The following SYN3 variants were observed in gnomAD, a reference collection of about 807,000 sequenced individuals.
The protein encoded by SYN3 is synapsin-3.
Under a neutral mutation model 65.8 loss-of-function variants are expected in SYN3, and 35 were observed. The ratio of observed to expected loss-of-function variants is 0.53; its 90% confidence interval spans 0.41 to 0.70. The LOEUF is 0.70. Ranked by LOEUF, SYN3 falls within the 30% of genes least tolerant of loss-of-function variation. The pLI is 0.00. For synonymous variants in SYN3, 270 were observed against 292.9 expected, an observed-to-expected ratio of 0.92 and a Z score of 0.80; for missense variants, 680 against 749.0, an observed-to-expected ratio of 0.91 and a Z score of 1.08.
At chr22:32,872,396 G>A (rs1473331521) in intron 4 of SYN3, among the ~76,000 whole-genome samples, 2 of 152,132 alleles carry the variant, frequency 1.3e-5, no homozygotes, top group African/African-American at 2.4e-5. Flanking sequence ...AGACATAGTA[G>A]CCAGGAGACA....
intron 4 of SYN3, among the ~76,000 whole-genome samples, chr22:32,900,871 A>ACC (rs1279037335): frequency 6.6e-6 from 1 of 152,228 alleles, no homozygotes; most frequent in Non-Finnish European, 1.5e-5. Context: ...GGCACATTTA[A>ACC]TTATTTGATC....
At chr22:32,585,933 TATATGTGTATGTATAC>T (rs2059020034) in intron 7 of SYN3, among the ~76,000 whole-genome samples, 1 of 49,374 alleles carries the variant, frequency 2.0e-5, no homozygotes, top group Admixed American at 2.8e-4. Context: ...TGTATATACG[TATATGTGTATGTATAC>T]ATATATGTGT....
chr22:32,615,045 C>T (rs1363277739), intron 6 of SYN3, among the ~76,000 whole-genome samples: 3 of 151,950 alleles, frequency 2.0e-5, no homozygotes, highest in Non-Finnish European at 4.4e-5. Flanking sequence ...GGTTGGGAGC[C>T]GACAGTGGTG....
At chr22:32,821,087 C>A (rs1304968109) in intron 6 of SYN3, among the ~76,000 whole-genome samples, 1 of 151,948 alleles carries the variant, frequency 6.6e-6, no homozygotes, top group Non-Finnish European at 1.5e-5. Context: ...GTGCAATCTC[C>A]CAGGCTCTTC....
At chr22:32,940,057 G>C (rs2050891696) in intron 3 of SYN3, among the ~76,000 whole-genome samples, 12 of 152,142 alleles carry the variant, frequency 7.9e-5, no homozygotes, top group Admixed American at 7.9e-4. Context: ...CAGGTGGGTT[G>C]TGTAGTAATA....
At chr22:32,592,177 A>AT (rs2059136782) in intron 7 of SYN3, among the ~76,000 whole-genome samples, 1 of 152,154 alleles carries the variant, frequency 6.6e-6, no homozygotes, top group South Asian at 2.1e-4. Context: ...GGGCAGTACA[A>AT]TTTTTTGTCG....
At chr22:32,846,189 A>G (rs2048057416) in intron 6 of SYN3, among the ~76,000 whole-genome samples, 1 of 152,194 alleles carries the variant, frequency 6.6e-6, no homozygotes, top group South Asian at 2.1e-4. Flanking sequence ...TTAGTAGGCA[A>G]TTCTTGGGTT....
At chr22:33,005,138 A>G (rs1300092519) in intron 2 of SYN3, among the ~76,000 whole-genome samples, 1 of 152,154 alleles carries the variant, frequency 6.6e-6, no homozygotes, top group Non-Finnish European at 1.5e-5. Flanking sequence ...TGGAACTGTG[A>G]GTTGATTAAA....
intron 1 of SYN3, among the ~76,000 whole-genome samples, chr22:33,033,955 C>A (rs1423466528): frequency 1.3e-5 from 2 of 151,930 alleles, no homozygotes; most frequent in Admixed American, 1.3e-4. Flanking sequence ...GAGGCTGAGG[C>A]GGGTGGATCA....
rs130292 is a variant in SYN3 at position 32,825,657 on chromosome 22, CAAAAAAAAAAAAAAAAAAA to C, written c.711+39239_711+39257del. ...TGGGCGACAGAGCGAGTTTCCATCT[CAAAAAAAAAAAAAAAAAAA>C]AAAAAAAAAAAAAAAAAAAAAGATG... On this transcript the variant is annotated intron_variant, in intron 6 of 13. Coordinates refer to ENST00000358763, the MANE Select transcript of SYN3 (RefSeq NM_003490.4). Among the ~76,000 whole-genome samples, 28 of 28,588 alleles carry C rather than the reference CAAAAAAAAAAAAAAAAAAA, an allele frequency of 9.8e-4. No individual in the cohort carries two copies. The South Asian group carries it at 0.016, about 16-fold the overall frequency. 18.8% of individuals were successfully genotyped at this position (28,588 alleles called of 152,430 possible).
intron 6 of SYN3, among the ~76,000 whole-genome samples, chr22:32,646,985 C>T (rs2059992717): frequency 6.6e-6 from 1 of 152,124 alleles, no homozygotes; most frequent in Non-Finnish European, 1.5e-5. Context: ...CCCCTGCCTT[C>T]GCTGGTTGCT....
intron 4 of SYN3, among the ~76,000 whole-genome samples, chr22:32,905,005 C>T (rs548813856): frequency 6.6e-6 from 1 of 152,054 alleles, no homozygotes; most frequent in Non-Finnish European, 1.5e-5. Context: ...AGATGAGAAC[C>T]CCCAATTGCA....
intron 8 of SYN3, among the ~76,000 whole-genome samples, 171 bp downstream of exon 8, chr22:32,541,399 TA>T (rs1178083478): frequency 6.6e-6 from 1 of 152,152 alleles, no homozygotes; most frequent in Non-Finnish European, 1.5e-5. Flanking sequence ...TGCCCAGGGA[TA>T]AGCAGTGACT....
At chr22:32,885,372 A>G (rs1435758358) in intron 4 of SYN3, among the ~76,000 whole-genome samples, 2 of 152,176 alleles carry the variant, frequency 1.3e-5, no homozygotes, top group African/African-American at 2.4e-5. Flanking sequence ...CTTGTTCTCA[A>G]GGATGGACTT....
chr22:32,760,579 C>T (rs529775875), intron 6 of SYN3, among the ~76,000 whole-genome samples: 1 of 152,038 alleles, frequency 6.6e-6, no homozygotes, highest in South Asian at 2.1e-4. Flanking sequence ...ACATGCAGGG[C>T]CCCCCGTGGG....
chr22:32,954,575 C>T (rs573088208), intron 3 of SYN3, among the ~76,000 whole-genome samples: 4 of 152,324 alleles, frequency 2.6e-5, no homozygotes, highest in South Asian at 4.1e-4. Flanking sequence ...AAAGTGTCCT[C>T]GCAGCCCTCT....
intron 6 of SYN3, among the ~76,000 whole-genome samples, chr22:32,641,901 A>AGG (rs1178166690): frequency 2.0e-5 from 3 of 152,146 alleles, no homozygotes; most frequent in Admixed American, 6.5e-5. Context: ...AACCCTTTTC[A>AGG]GGGGTACAGA....
intron 1 of SYN3, among the ~76,000 whole-genome samples, chr22:33,049,803 G>A (rs2054130245): frequency 6.6e-6 from 1 of 152,170 alleles, no homozygotes; most frequent in Non-Finnish European, 1.5e-5. Flanking sequence ...GCTAACCTGT[G>A]AGCTAGAAGA....
chr22:32,918,442 A>C (rs1391408260), intron 4 of SYN3, among the ~76,000 whole-genome samples: 1 of 152,244 alleles, frequency 6.6e-6, no homozygotes, highest in African/African-American at 2.4e-5. Context: ...GGAACAAAGC[A>C]ATCTTTCTGG....
Sources: allele counts gnomAD v4.1 joint callset (sites outside exome capture counted in the v4.1 genomes callset), GRCh38; gene constraint gnomAD v4.1.1; transcripts MANE v1.5; gene names NCBI Gene and HGNC (gene_info 2026-07-23, HGNC 2026-07-21).